Variants in SEMA6D observed in about 807,000 individuals in gnomAD.
SEMA6D encodes semaphorin-6D.
A neutral mutation model predicts 106.6 loss-of-function variants in SEMA6D; 35 were observed. The ratio of observed to expected loss-of-function variants is 0.33; its 90% confidence interval spans 0.25 to 0.44. The LOEUF is 0.44. Ranked by LOEUF, SEMA6D falls within the 20% of genes least tolerant of loss-of-function variation. SEMA6D has a pLI of 1.00. For synonymous variants in SEMA6D, 499 were observed against 487.7 expected (o/e 1.02, Z -0.31); for missense variants, 1,185 against 1,345.9 (o/e 0.88, Z 1.87).
At chr15:47,466,736 T>G (rs932965833) in intron 2 of SEMA6D, among the ~76,000 whole-genome samples, 1 of 151,734 alleles carries the variant, frequency 6.6e-6, no homozygotes, top group African/African-American at 2.4e-5. Flanking sequence ...GGTTTTTTTT[T>G]TTTTTGGAAA....
Position 47,717,832 on chromosome 15 carries a change from CTGTGTGTGTGTGTGTGTG to C in SEMA6D, c.-55+170_-55+187del, listed in dbSNP as rs71118194. ...GGTCGGAACCTGAGATCCCGAATCG[CTGTGTGTGTGTGTGTGTG>C]TGTGTGTGTGTGTGTGTGTGTGTGT... is the stretch of plus-strand genomic sequence containing the variant. On this transcript the variant is annotated intron_variant, in intron 1 of 18. Coordinates refer to ENST00000536845, the MANE Select transcript of SEMA6D (RefSeq NM_001358351.3). 2.0e-3 allele frequency: 197 copies of C among 99,274 alleles called. 5 individuals are homozygous for C. The highest frequency in any genetic ancestry group is 9.6e-3 in the East Asian group (31 of 3,242). 6.1% of individuals were successfully genotyped at this position (99,274 alleles called of 1,614,324 possible).
intron 1 of SEMA6D, among the ~76,000 whole-genome samples, chr15:47,269,238 T>C: frequency 6.6e-6 from 1 of 152,140 alleles, no homozygotes; most frequent in Middle Eastern, 3.2e-3. Flanking sequence ...AAAAATAATC[T>C]GTCTTTCAGA....
intron 4 of SEMA6D, among the ~76,000 whole-genome samples, chr15:47,655,638 CA>C (rs2077777768): frequency 6.6e-6 from 1 of 152,128 alleles, no homozygotes; most frequent in African/African-American, 2.4e-5. Context: ...GTGGGAAGAG[CA>C]AAGGTCTTAG....
intron 1 of SEMA6D, among the ~76,000 whole-genome samples, chr15:47,386,825 C>T (rs1382959479): frequency 6.6e-6 from 1 of 152,158 alleles, no homozygotes; most frequent in Non-Finnish European, 1.5e-5. Context: ...GTTGTTTTAG[C>T]CAGAATTAAA....
intron 4 of SEMA6D, among the ~76,000 whole-genome samples, chr15:47,619,332 G>A (rs543740588): frequency 6.6e-6 from 1 of 152,284 alleles, no homozygotes; most frequent in South Asian, 2.1e-4. Context: ...AGAGGGTGGG[G>A]TTCTCCACAC....
intron 1 of SEMA6D, among the ~76,000 whole-genome samples, chr15:47,367,077 C>T (rs979183104): frequency 2.6e-5 from 4 of 152,118 alleles, no homozygotes; most frequent in Non-Finnish European, 4.4e-5. Context: ...AGCTCTTTAA[C>T]GGAATTAATA....
At chr15:47,225,519 GTTTTTTTTT>G (rs71118160) in intron 1 of SEMA6D, among the ~76,000 whole-genome samples, 8 of 92,400 alleles carry the variant, frequency 8.7e-5, no homozygotes, top group African/African-American at 2.4e-4. Flanking sequence ...CTTGTTGAGG[GTTTTTTTTT>G]TTTTTTTTTT....
intron 4 of SEMA6D, among the ~76,000 whole-genome samples, chr15:47,694,613 AG>A (rs1208913615): frequency 6.6e-6 from 1 of 152,104 alleles, no homozygotes; most frequent in Non-Finnish European, 1.5e-5. Context: ...TGAGGTTTAC[AG>A]GCCTGTGGCT....
At chr15:47,252,077 G>A (rs1025516546) in intron 1 of SEMA6D, among the ~76,000 whole-genome samples, 8 of 149,420 alleles carry the variant, frequency 5.4e-5, no homozygotes, top group African/African-American at 1.5e-4. Flanking sequence ...TACCACGCCC[G>A]GCTAATTTTT....
chr15:47,465,485 C>T (rs1045761963), intron 2 of SEMA6D, among the ~76,000 whole-genome samples: 2 of 152,116 alleles, frequency 1.3e-5, no homozygotes, highest in Non-Finnish European at 2.9e-5. Flanking sequence ...GTTCTAAACG[C>T]AGTTGATATG....
At chr15:47,350,065 G>A (rs1263891226) in intron 1 of SEMA6D, among the ~76,000 whole-genome samples, 1 of 151,952 alleles carries the variant, frequency 6.6e-6, no homozygotes, top group South Asian at 2.1e-4. Flanking sequence ...AAAAATTTTT[G>A]TGTGTGCACA....
At chr15:47,251,526 T>C (rs893593892) in intron 1 of SEMA6D, among the ~76,000 whole-genome samples, 5 of 152,224 alleles carry the variant, frequency 3.3e-5, no homozygotes, top group Middle Eastern at 3.2e-3. Context: ...TCCTAAATCA[T>C]GTATAAGGGA....
chr15:47,630,270 CATT>C (rs2077270495), intron 4 of SEMA6D, among the ~76,000 whole-genome samples: 1 of 151,850 alleles, frequency 6.6e-6, no homozygotes, highest in Admixed American at 6.6e-5. Context: ...AATGATATCT[CATT>C]GTTGTGATTT....
intron 1 of SEMA6D, among the ~76,000 whole-genome samples, chr15:47,325,530 G>A (rs979299158): frequency 6.6e-6 from 1 of 152,188 alleles, no homozygotes; most frequent in Non-Finnish European, 1.5e-5. Context: ...ATATTGTAAT[G>A]AACTGTGACA....
intron 3 of SEMA6D, among the ~76,000 whole-genome samples, chr15:47,508,557 T>C (rs912815324): frequency 4.6e-5 from 7 of 152,186 alleles, no homozygotes; most frequent in African/African-American, 1.7e-4. Context: ...TTAAAAGCAA[T>C]TTCAATCTGT....
At chr15:47,725,585 C>A (rs1202410609) in intron 1 of SEMA6D, among the ~76,000 whole-genome samples, 2 of 151,888 alleles carry the variant, frequency 1.3e-5, no homozygotes, top group Non-Finnish European at 2.9e-5. Context: ...CCATACTCAA[C>A]CCCCTCACCC....
intron 18 of SEMA6D, among the ~76,000 whole-genome samples, chr15:47,769,001 T>A (rs530441103): frequency 1.3e-5 from 2 of 152,324 alleles, no homozygotes; most frequent in Non-Finnish European, 2.9e-5. Context: ...CTGTGTTGAT[T>A]TCTGTCTGAA....
chr15:47,698,256 A>G (rs980161284), intron 4 of SEMA6D, among the ~76,000 whole-genome samples: 3 of 152,182 alleles, frequency 2.0e-5, no homozygotes, highest in Admixed American at 6.5e-5. Flanking sequence ...GCTGTTATAG[A>G]TGTTCTGCCA....
chr15:47,279,017 C>A (rs2034973031), intron 1 of SEMA6D, among the ~76,000 whole-genome samples: 1 of 133,100 alleles, frequency 7.5e-6, no homozygotes, highest in Non-Finnish European at 1.6e-5. Context: ...GTTACTGTAG[C>A]CTTGTAGTAT....
Sources: allele counts gnomAD v4.1 joint callset (sites outside exome capture counted in the v4.1 genomes callset), GRCh38; gene constraint gnomAD v4.1.1; transcripts MANE v1.5; gene names NCBI Gene and HGNC (gene_info 2026-07-23, HGNC 2026-07-21).